Variants in FBXL18 observed in about 807,000 individuals in gnomAD.
FBXL18 encodes F-box/LRR-repeat protein 18.
Under a neutral mutation model 46.0 loss-of-function variants are expected in FBXL18, and 36 were observed. The ratio of observed to expected loss-of-function variants is 0.78; its 90% CI spans 0.60 to 1.03. The LOEUF is 1.03. FBXL18 is among the 50% of genes least tolerant of loss of function. FBXL18 has a pLI of 0.00. For missense variants in FBXL18, 977 were observed against 1,004.1 expected, an observed-to-expected ratio of 0.97 and a Z score of 0.36; for synonymous variants, 557 against 465.3, an observed-to-expected ratio of 1.20 and a Z score of -2.54.
In FBXL18 at chr7:5,513,795, GCTC is replaced by G; in HGVS notation, c.-124_-122del. On this transcript the variant is annotated 5_prime_UTR_variant, in exon 1 of 5. Transcript: ENST00000382368. ...CAACCGAGACCCCGGCAAGGAGCGG[GCTC>G]TCGTCACTTCCGGCGCCCGCCTACA... 7.2e-7 allele frequency: 1 copy of G among 1,388,712 alleles called. No homozygotes were observed. Among genetic ancestry groups the G allele is most frequent in the Non-Finnish European group, 9.7e-7 (1 of 1,030,032 alleles). 86.0% of individuals were successfully genotyped at this position (1,388,712 alleles called of 1,614,324 possible).
Position 5,501,973 on chromosome 7 carries a change from AGCT to A in FBXL18, c.293_295del (p.Gln98del). On this transcript the variant is annotated inframe_deletion, in exon 3 of 5. Transcript: ENST00000382368. ...CAGCCAGTAGCAGCCAGCCATGCTCAGCTGCTGGATCTCCCGGCCGATCTCCTT... is the reference window on the plus strand; with the variant it reads ...CAGCCAGTAGCAGCCAGCCATGCTCAGCTGGATCTCCCGGCCGATCTCCTT... The A allele has an allele frequency of 6.2e-7, 1 of 1,608,256 alleles. No individual in the cohort carries two copies. The highest frequency in any genetic ancestry group is 8.5e-7 in the Non-Finnish European group (1 of 1,178,014).
intron 4 of FBXL18, chr7:5,489,382 C>G (rs541138685): frequency 2.0e-6 from 1 of 508,870 alleles, no homozygotes; most frequent in Middle Eastern, 3.3e-4. Context: ...CGCCTGTAAT[C>G]CCAGCACTTT....
At chr7:5,459,266 G>A (rs1783211886) in intron 4 of FBXL18, among the ~76,000 whole-genome samples, 2 of 152,326 alleles carry the variant, frequency 1.3e-5, no homozygotes, top group African/African-American at 4.8e-5. Flanking sequence ...GGACCACAGG[G>A]CCCTGGCCTT....
At chr7:5,506,890 T>G (rs548464134) in intron 1 of FBXL18, among the ~76,000 whole-genome samples, 85 of 152,302 alleles carry the variant, frequency 5.6e-4, no homozygotes, top group African/African-American at 1.9e-3. Context: ...TCTGGCAAAT[T>G]ACAAGGTGTT....
intron 4 of FBXL18, among the ~76,000 whole-genome samples, chr7:5,483,532 G>A (rs1783699987): frequency 6.6e-6 from 1 of 151,852 alleles, no homozygotes; most frequent in Admixed American, 6.6e-5. Context: ...ATCACCTGAG[G>A]TCGGGAGTTC....
rs186094440 is a variant in FBXL18, at chr7:5,478,135, G to C, written c.*3640C>G. 1 of 152,378 alleles carries C rather than the reference G, an allele frequency of 6.6e-6. No individual in the cohort carries two copies. The highest frequency in any genetic ancestry group is 1.5e-5 in the Non-Finnish European group (1 of 68,156). The allele number at this position is 152,378 out of a possible 1,614,324, so 9.4% of individuals were successfully genotyped here. A position where few individuals can be genotyped will look rare whatever the true frequency, so the allele number is the denominator to read the frequency against. Reference sequence around the variant, plus strand: ...CCCGTCCTGGCTGCCGTCCTGGGTCGAAGCAGCAAGTGTCTTCCCGCCCTG... The same window carrying C: ...CCCGTCCTGGCTGCCGTCCTGGGTCCAAGCAGCAAGTGTCTTCCCGCCCTG... On this transcript the variant is annotated 3_prime_UTR_variant, in exon 5 of 5. Transcript: ENST00000382368.
chr7:5,473,026 T>C (rs1783454498), downstream of FBXL18, among the ~76,000 whole-genome samples: 1 of 152,098 alleles, frequency 6.6e-6, no homozygotes, highest in South Asian at 2.1e-4. Context: ...GCTGCAGCCA[T>C]TGGCGTCGGC....
intron 3 of FBXL18, among the ~76,000 whole-genome samples, chr7:5,494,871 G>A (rs1584223845): frequency 6.6e-6 from 1 of 152,148 alleles, no homozygotes; most frequent in South Asian, 2.1e-4. Flanking sequence ...TGCAGAGCGT[G>A]GAAAAAAAAC....
At chr7:5,503,287 G>A (rs772611101) in intron 2 of FBXL18, among the ~76,000 whole-genome samples, 1 of 152,224 alleles carries the variant, frequency 6.6e-6, no homozygotes, top group African/African-American at 2.4e-5. Flanking sequence ...GGGAGGCTGA[G>A]GCAGGAGGAT....
chr7:5,481,792 G>C lies in FBXL18; in HGVS notation c.2140C>G (p.Pro714Ala). Residue 714 changes from proline to alanine, a missense_variant, in exon 5 of 5, where the codon CCG (proline) becomes GCG (alanine). Coordinates refer to ENST00000382368, the MANE Select transcript of FBXL18 (RefSeq NM_024963.6). ...LFKSRVAEEP[P>A]NLWW is the part of the protein sequence containing the mutation. ...TCCGCCTCTCACCACCACAGGTTCG[G>C]CGGTTCCTCGGCCACTCTGCTCTTA... The C allele has an allele frequency of 6.2e-7, 1 of 1,613,530 alleles. No homozygotes were observed. Among genetic ancestry groups the C allele is most frequent in the Non-Finnish European group, 8.5e-7 (1 of 1,179,994 alleles).
chr7:5,462,733 C>A (rs1204999605), intron 4 of FBXL18, among the ~76,000 whole-genome samples: 1 of 151,330 alleles, frequency 6.6e-6, no homozygotes, highest in Admixed American at 6.6e-5. Context: ...GGATGGATCA[C>A]GAGGTCAGGA....
intron 4 of FBXL18, among the ~76,000 whole-genome samples, chr7:5,463,890 G>A (rs1216960536): frequency 5.3e-5 from 8 of 150,808 alleles, no homozygotes; most frequent in East Asian, 2.0e-4. Flanking sequence ...ACAGGCGTGC[G>A]CCACCACACC....
intron 4 of FBXL18, among the ~76,000 whole-genome samples, chr7:5,484,089 C>T (rs77827677): frequency 0.012 from 1,881 of 152,282 alleles, 46 homozygotes; most frequent in African/African-American, 0.044. Flanking sequence ...GTGGCAGACG[C>T]ATCCTGGCCT....
chr7:5,475,774 G>A (rs1362340891), downstream of FBXL18: 1 of 152,268 alleles, frequency 6.6e-6, no homozygotes, highest in Non-Finnish European at 1.5e-5. This position sits in a 1 kb window ranked among gnomAD's most constrained non-coding sequence, Gnocchi z 4.2. Flanking sequence ...AAGTATCCGT[G>A]CTGGAAGGAC....
chr7:5,502,451 C>T (rs2096434677), intron 2 of FBXL18, among the ~76,000 whole-genome samples: 1 of 152,086 alleles, frequency 6.6e-6, no homozygotes, highest in African/African-American at 2.4e-5. Flanking sequence ...AGAAGAATCG[C>T]TTGAACCTGG....
In FBXL18 at chr7:5,500,652, TG is replaced by T; in HGVS notation, c.1616del (p.Ala539AspfsTer32). The T allele has an allele frequency of 6.2e-7, 1 of 1,612,250 alleles. No homozygotes were observed. On this transcript the variant is annotated frameshift_variant, in exon 3 of 5. Transcript: ENST00000382368. LOFTEE classifies it high-confidence loss of function. ...QLAFLRHLTL[A>X]QLPSVLTGSG... ...AGCCCGTAAGGACGCTGGGCAGCTG[TG>T]CGAGCGTCAGGTGCCGCAGGAAGGC...
At position 5,476,947 on chromosome 7, in the gene FBXL18, G is replaced by C. The variant is rs1340857889; in HGVS notation, c.*4828C>G. 6.6e-6 allele frequency: 1 copy of C among 151,412 alleles called. No homozygotes were observed. Among genetic ancestry groups the C allele is most frequent in the African/African-American group, 2.4e-5 (1 of 41,146 alleles). The allele number at this position is 151,412 out of a possible 1,614,324, so 9.4% of individuals were successfully genotyped here. A position where few individuals can be genotyped will look rare whatever the true frequency, so the allele number is the denominator to read the frequency against. On this transcript the variant is annotated 3_prime_UTR_variant, in exon 5 of 5. Coordinates refer to ENST00000382368, the MANE Select transcript of FBXL18 (RefSeq NM_024963.6). ...CTGTCGCCCAGGCTGGAATGCAGTG[G>C]TGCGATCTCAGCTCACTGCAAGCTC...
At chr7:5,462,694 G>C (rs1783264951) in intron 4 of FBXL18, among the ~76,000 whole-genome samples, 1 of 151,860 alleles carries the variant, frequency 6.6e-6, no homozygotes, top group Admixed American at 6.6e-5. Context: ...GCTCATGCCT[G>C]TAATCCCAGC....
intron 3 of FBXL18, among the ~76,000 whole-genome samples, chr7:5,494,499 T>C (rs565501256): frequency 6.6e-6 from 1 of 152,284 alleles, no homozygotes; most frequent in East Asian, 1.9e-4. Flanking sequence ...TCTTTATTTT[T>C]CTATATTTGT....
Sources: allele counts gnomAD v4.1 joint callset (sites outside exome capture counted in the v4.1 genomes callset), GRCh38; gene constraint gnomAD v4.1.1; non-coding constraint Gnocchi (gnomAD v3.1); transcripts MANE v1.5; gene names NCBI Gene and HGNC (gene_info 2026-07-23, HGNC 2026-07-21).